Variants in TNC observed in about 807,000 individuals in gnomAD.
TNC encodes the protein tenascin C, also known as tenascin.
Under a neutral mutation model 202.4 loss-of-function variants are expected in TNC, and 109 were observed. That is an observed-to-expected ratio of 0.54 (90% CI 0.46 to 0.63). TNC has a LOEUF of 0.63. TNC is among the 30% of genes least tolerant of loss of function. The probability of loss-of-function intolerance (pLI) is 0.00; values close to 1 mark genes in which losing one functional copy is unlikely to be tolerated. For missense variants in TNC, 2,756 were observed against 2,833.3 expected (o/e 0.97, Z 0.62); for synonymous variants, 1,007 against 1,089.7 (o/e 0.92, Z 1.50).
chr9:115,090,841 C>T lies in TNC; in HGVS notation c.178G>A (p.Val60Met). Residue 60 changes from valine (V) to methionine (M), a missense_variant, in exon 2 of 28, where the codon GTG (valine) becomes ATG (methionine). Val to Met is a conservative substitution (Grantham distance 21, BLOSUM62 1). Transcript: ENST00000350763. ...FNHVYNIKLP[V>M]GSQCSVDLES... Reference sequence around the variant, plus strand: ...AGATCCACCGAACACTGGGATCCCACTGGCAGCTTGATGTTGTAAACGTGG... The same window carrying T: ...AGATCCACCGAACACTGGGATCCCATTGGCAGCTTGATGTTGTAAACGTGG... The T allele has an allele frequency of 1.2e-6, 2 of 1,614,238 alleles. No homozygotes were observed. The highest frequency in any genetic ancestry group is 1.1e-5 in the South Asian group (1 of 91,090).
intron 1 of TNC, among the ~76,000 whole-genome samples, chr9:115,097,616 G>A (rs1835896605): frequency 6.6e-6 from 1 of 152,288 alleles, no homozygotes; most frequent in Admixed American, 6.5e-5. Flanking sequence ...CAGTAGGTGG[G>A]TTCAAATTGA....
At chr9:115,035,170 C>T in intron 22 of TNC, 34 bp downstream of exon 22, 1 of 1,560,276 alleles carries the variant, frequency 6.4e-7, no homozygotes, top group Non-Finnish European at 8.7e-7. Flanking sequence ...AATGCTTCAA[C>T]TAGCATTGAG....
chr9:115,113,115 A>T (rs1837208067), intron 1 of TNC, among the ~76,000 whole-genome samples: 1 of 152,080 alleles, frequency 6.6e-6, no homozygotes, highest in Non-Finnish European at 1.5e-5. Flanking sequence ...AGCAAGCTGG[A>T]GATAGCAAAA....
intron 7 of TNC, among the ~76,000 whole-genome samples, chr9:115,077,084 G>A (rs550663033): frequency 2.0e-5 from 3 of 150,998 alleles, no homozygotes; most frequent in Admixed American, 6.6e-5. Flanking sequence ...TTTTTGAGAC[G>A]GAGTCTCGCT....
chr9:115,047,396 G>A (rs781637544), intron 16 of TNC, among the ~76,000 whole-genome samples: 2 of 152,124 alleles, frequency 1.3e-5, no homozygotes, highest in Non-Finnish European at 2.9e-5. Context: ...CAATGTCAAT[G>A]TAGATTTAGA....
rs1834682254 is a variant in TNC, at chr9:115,085,956, T to G, written c.1775A>C (p.His592Pro). 7.4e-6 allele frequency: 12 copies of G among 1,613,618 alleles called. No homozygotes were observed. In the East Asian group the frequency reaches 2.2e-4, roughly 30 times the overall value. ...GTTGTTGCAGTCACTGGGGCAGGAG[T>G]GCTGGCCACAGTCCAGGCCTGTGAA... ...EGFTGLDCGQ[H>P]SCPSDCNNLG... is the part of the protein sequence containing the mutation. The change falls in exon 3 of 28, where the codon CAC becomes CCC. Residue 592 changes from histidine (H) to proline (P), a missense_variant. His to Pro is a moderately conservative substitution (Grantham distance 77, BLOSUM62 -2). This residue lies in a region of TNC where 2,559 missense variants were observed against 2,546.0 expected (regional missense o/e 1.01). Transcript: ENST00000350763.
intron 17 of TNC, 127 bp downstream of exon 17, chr9:115,046,283 A>C: frequency 9.1e-7 from 1 of 1,103,332 alleles, no homozygotes; most frequent in Non-Finnish European, 1.3e-6. Flanking sequence ...CACAGTCTGT[A>C]ATTGAAAGAG....
chr9:115,104,033 CT>C (rs1411843414), intron 1 of TNC, among the ~76,000 whole-genome samples: 1 of 152,166 alleles, frequency 6.6e-6, no homozygotes, highest in Non-Finnish European at 1.5e-5. Context: ...TGAAATAAAA[CT>C]GCAGAGCACT....
chr9:115,027,451 A>G (rs1472423392), intron 25 of TNC, among the ~76,000 whole-genome samples: 2 of 150,788 alleles, frequency 1.3e-5, no homozygotes, highest in African/African-American at 2.4e-5. Flanking sequence ...TTAGGAGGGC[A>G]TGGTGGAGGG....
chr9:115,062,175 A>G (rs1257579531), intron 13 of TNC, among the ~76,000 whole-genome samples: 1 of 152,232 alleles, frequency 6.6e-6, no homozygotes, highest in Non-Finnish European at 1.5e-5. Flanking sequence ...TTTGCTATTC[A>G]GTATTTACTA....
chr9:115,061,099 G>A (rs182803157), intron 13 of TNC, among the ~76,000 whole-genome samples: 6 of 152,262 alleles, frequency 3.9e-5, no homozygotes, highest in Admixed American at 1.3e-4. Flanking sequence ...CTCAGCCACT[G>A]TTTTGAAGGC....
chr9:115,022,275 G>A (rs751081667), intron 27 of TNC, among the ~76,000 whole-genome samples: 1 of 152,238 alleles, frequency 6.6e-6, no homozygotes, highest in Non-Finnish European at 1.5e-5. Flanking sequence ...GGGCAAATCC[G>A]CTTGTAATTA....
intron 5 of TNC, among the ~76,000 whole-genome samples, chr9:115,082,305 G>T (rs1002870815): frequency 1.2e-4 from 18 of 152,192 alleles, no homozygotes; most frequent in African/African-American, 4.1e-4. Flanking sequence ...TAAATTCAGA[G>T]AACAAGTTCC....
At chr9:115,042,755 T>C (rs1830860500) in intron 17 of TNC, among the ~76,000 whole-genome samples, 2 of 152,354 alleles carry the variant, frequency 1.3e-5, no homozygotes, top group South Asian at 4.1e-4. Context: ...TTTATAAGGC[T>C]TAATCCTCCT....
At chr9:115,116,796 A>G (rs1037884747) in intron 1 of TNC, among the ~76,000 whole-genome samples, 2 of 152,114 alleles carry the variant, frequency 1.3e-5, no homozygotes, top group Non-Finnish European at 2.9e-5. Context: ...CTGTGCCAAC[A>G]CAACCTCCTG....
Position 115,048,267 on chromosome 9 carries a change from A to G in TNC, c.4845T>C (p.Ile1615=). Residue 1615 remains isoleucine, a synonymous_variant, in exon 16 of 28, where the codon ATT becomes ATC. Transcript: ENST00000350763. ...TCACTTGATTTGAAATACCTGTAAC[A>G]ATCTCAGCCCTCAAGGGCTTGGTTT... ...GHQTKPLRAE[I]VTEAEPEVDN... The G allele has an allele frequency of 6.2e-7, 1 of 1,613,396 alleles. No homozygotes were observed. The highest frequency in any genetic ancestry group is 1.7e-5 in the Admixed American group (1 of 59,948).
chr9:115,031,707 T>C lies in TNC; in HGVS notation c.5788-22A>G, dbSNP rs370799843. ...CTTCCTAAGAGCAGAAGAAAAAGTATAATGGCTTTTGGTCACAGAAATTCT... is the reference window on the plus strand; with the variant it reads ...CTTCCTAAGAGCAGAAGAAAAAGTACAATGGCTTTTGGTCACAGAAATTCT... On this transcript the variant is annotated intron_variant, in intron 22 of 27. Transcript: ENST00000350763. 3.7e-6 allele frequency: 6 copies of C among 1,601,814 alleles called. 1 individual carries two copies. Among genetic ancestry groups the C allele is most frequent in the Middle Eastern group, 3.3e-4 (2 of 6,052 alleles).
Position 115,020,932 on chromosome 9 carries a change from A to G in TNC, c.*225T>C. ...GGAGATTTTTGCTGAATCAAACAAC[A>G]AAACAGAAACATGTTGGAGACTGAT... On this transcript the variant is annotated 3_prime_UTR_variant, in exon 28 of 28. Coordinates refer to ENST00000350763, the MANE Select transcript of TNC (RefSeq NM_002160.4). 1 of 513,154 alleles carries G rather than the reference A, an allele frequency of 1.9e-6. No individual in the cohort carries two copies. Among genetic ancestry groups the G allele is most frequent in the Non-Finnish European group, 3.4e-6 (1 of 291,520 alleles). 31.8% of individuals were successfully genotyped at this position (513,154 alleles called of 1,614,324 possible).
chr9:115,074,064 A>G (rs905803501), intron 9 of TNC, among the ~76,000 whole-genome samples, 198 bp from the exon 10 acceptor site: 6 of 152,208 alleles, frequency 3.9e-5, no homozygotes, highest in Admixed American at 1.3e-4. Context: ...ACATGACCCC[A>G]TCGGAGTCTG....
Sources: gnomAD v4.1 joint callset for allele counts (sites outside exome capture counted in the v4.1 genomes callset) on GRCh38, gnomAD v4.1.1 for gene constraint, gnomAD v4.1.1 regional missense constraint, MANE v1.5 for transcripts, NCBI Gene and HGNC (gene_info 2026-07-23, HGNC 2026-07-21) for gene names.